CARS2: variants seen among roughly 807,000 people sequenced by gnomAD.
The protein encoded by CARS2 is cysteinyl-tRNA synthetase 2, mitochondrial, also known as probable cysteine--tRNA ligase, mitochondrial.
A neutral mutation model predicts 68.8 loss-of-function variants in CARS2; 52 were observed. The observed-to-expected ratio is 0.76, with a 90% CI of 0.61 to 0.95. The LOEUF (loss-of-function observed/expected upper bound fraction) is 0.95, where lower values mean the gene tolerates loss of function less well. Among genes scored for constraint, CARS2 ranks in the 40% least tolerant of loss-of-function variants. The pLI is 0.00. For missense variants in CARS2, 780 were observed against 754.2 expected (o/e 1.03, Z -0.40); for synonymous variants, 314 against 303.6 (o/e 1.03, Z -0.36).
chr13:110,668,934 G>T lies in CARS2; in HGVS notation c.786-1461C>A, dbSNP rs944923799. 6.6e-6 allele frequency among the ~76,000 whole-genome samples: 1 copy of T among 152,192 alleles called. No individual in the cohort carries two copies. The highest frequency in any genetic ancestry group is 2.4e-5 in the African/African-American group (1 of 41,438). On this transcript the variant is annotated intron_variant, in intron 7 of 14. Transcript: ENST00000257347. This position sits in a 1 kb window ranked among gnomAD's most constrained non-coding sequence, Gnocchi z 4.1. ...CTAAATGTTTTCTACCTGCTTTAGAGAAATTATTTGAATCTAAAAAATGAA... is the reference window on the plus strand; with the variant it reads ...CTAAATGTTTTCTACCTGCTTTAGATAAATTATTTGAATCTAAAAAATGAA...
chr13:110,679,039 C>CAGGGGAAAAGGGAACCAT (rs1451593595), intron 6 of CARS2, among the ~76,000 whole-genome samples: 16 of 14,898 alleles, frequency 1.1e-3, no homozygotes, highest in African/African-American at 4.2e-3. Context: ...GTCCTTACCA[C>CAGGGGAAAAGGGAACCAT]ACATGTGAAC....
At chr13:110,657,101 TTTTG>T (rs2062390988) in intron 9 of CARS2, among the ~76,000 whole-genome samples, 1 of 151,634 alleles carries the variant, frequency 6.6e-6, no homozygotes, top group African/African-American at 2.4e-5. Flanking sequence ...TTTAAATTTA[TTTTG>T]TGTGTATTTT....
chr13:110,642,685 C>T (rs765236726), intron 13 of CARS2, 164 bp from the exon 14 acceptor site: 27 of 784,898 alleles, frequency 3.4e-5, no homozygotes, highest in East Asian at 4.9e-5. Context: ...GGGTACAGCC[C>T]GCGAGCGCTG....
rs1022057210 is a variant in CARS2 at position 110,665,857 on chromosome 13, T to G, written c.919+1483A>C. On this transcript the variant is annotated intron_variant, in intron 8 of 14. Coordinates refer to ENST00000257347, the MANE Select transcript of CARS2 (RefSeq NM_024537.4). The surrounding 1 kb of genome is among the most constrained non-coding windows in gnomAD (Gnocchi z 4.3). The stretch of plus-strand genomic sequence containing the variant: ...ACTTCTGCATTTAATGTCACCTTAC[T>G]GTGACATCTTAATTTCCCAATTCAA... 4 of 985,266 alleles carry G rather than the reference T, an allele frequency of 4.1e-6. No individual in the cohort carries two copies. The highest frequency in any genetic ancestry group is 4.8e-6 in the Non-Finnish European group (4 of 829,890). 61.0% of individuals were successfully genotyped at this position (985,266 alleles called of 1,614,324 possible).
rs1286339193 is a variant in CARS2 at position 110,650,841 on chromosome 13, T to C, written c.1054+193A>G. On this transcript the variant is annotated intron_variant, in intron 10 of 14. Coordinates refer to ENST00000257347, the MANE Select transcript of CARS2 (RefSeq NM_024537.4). ...TTGACGAGGAAGCCCACATCCACTG[T>C]GGGCCGGGCCCAGACCAGCACTGGG... 1.7e-5 allele frequency: 9 copies of C among 532,074 alleles called. No individual in the cohort carries two copies. The East Asian group carries it at 2.7e-4, about 16-fold the overall frequency. 33.0% of individuals were successfully genotyped at this position (532,074 alleles called of 1,614,324 possible).
chr13:110,655,440 A>G (rs1386462010), intron 9 of CARS2, among the ~76,000 whole-genome samples: 2 of 152,240 alleles, frequency 1.3e-5, no homozygotes, highest in Non-Finnish European at 2.9e-5. Flanking sequence ...CTACACAGCC[A>G]TTCGAGAGAA....
intron 3 of CARS2, among the ~76,000 whole-genome samples, chr13:110,700,159 C>T (rs1338168434): frequency 6.6e-6 from 1 of 152,232 alleles, no homozygotes; most frequent in African/African-American, 2.4e-5. Flanking sequence ...TCCAATGAAC[C>T]TGAGTGGAGG....
At chr13:110,697,547 C>A (rs9588242) in intron 3 of CARS2, among the ~76,000 whole-genome samples, 20,767 of 152,222 alleles carry the variant, frequency 0.14, 2,161 homozygotes, top group African/African-American at 0.28. Context: ...GGTTCAAGTA[C>A]TTCTCGTGTC....
chr13:110,683,214 A>G, intron 5 of CARS2, 80 bp from the exon 6 acceptor site: 1 of 905,384 alleles, frequency 1.1e-6, no homozygotes, highest in Non-Finnish European at 1.6e-6. Flanking sequence ...TCTAACAAGT[A>G]ATTAGAATTT....
chr13:110,712,148 G>A (rs1269718386), intron 1 of CARS2: 1 of 152,292 alleles, frequency 6.6e-6, no homozygotes, highest in Non-Finnish European at 1.5e-5. Flanking sequence ...ATGGAGAACC[G>A]CGCTGGCGTG....
intron 3 of CARS2, among the ~76,000 whole-genome samples, chr13:110,698,476 C>A (rs1448521948): frequency 2.0e-5 from 3 of 151,216 alleles, no homozygotes; most frequent in Non-Finnish European, 4.4e-5. Context: ...GCGGAGATAG[C>A]ACCATTGCAC....
chr13:110,664,468 G>A (rs543357890), intron 8 of CARS2: 10 of 428,276 alleles, frequency 2.3e-5, no homozygotes, highest in African/African-American at 2.1e-4. Flanking sequence ...AGTGAGCTAT[G>A]TTCATGTCAC....
upstream of CARS2, among the ~76,000 whole-genome samples, chr13:110,708,613 C>A (rs544330494): frequency 6.4e-4 from 97 of 151,998 alleles, 1 homozygote; most frequent in African/African-American, 2.3e-3. Context: ...GTCACCCAGG[C>A]TGGAGTGCAG....
intron 10 of CARS2, among the ~76,000 whole-genome samples, chr13:110,649,931 CTTTTTTTT>C (rs59276783): frequency 4.1e-5 from 3 of 73,146 alleles, no homozygotes; most frequent in Non-Finnish European, 5.4e-5. Context: ...TGGATAACGA[CTTTTTTTT>C]TTTTTTTTTT....
At chr13:110,672,466 C>A (rs2062828727) in intron 7 of CARS2, among the ~76,000 whole-genome samples, 1 of 152,220 alleles carries the variant, frequency 6.6e-6, no homozygotes, top group Non-Finnish European at 1.5e-5. Context: ...TGAATGACTA[C>A]TGGGTACATA....
chr13:110,697,366 C>T (rs2063653327), intron 3 of CARS2, among the ~76,000 whole-genome samples: 1 of 152,252 alleles, frequency 6.6e-6, no homozygotes. Context: ...CTGCCAGTCT[C>T]TCAATGATCT....
chr13:110,666,955 A>C, intron 8 of CARS2: 2 of 985,458 alleles, frequency 2.0e-6, no homozygotes, highest in African/African-American at 3.5e-5. Context: ...AGGTGTTTGA[A>C]CAGTGGAAGA....
At chr13:110,671,773 T>C (rs1478735395) in intron 7 of CARS2, among the ~76,000 whole-genome samples, 3 of 152,088 alleles carry the variant, frequency 2.0e-5, no homozygotes, top group Non-Finnish European at 4.4e-5. Context: ...GACTGGCAAA[T>C]TGGATGAAGA....
chr13:110,692,746 T>A (rs1332562511), intron 3 of CARS2, among the ~76,000 whole-genome samples: 1 of 151,034 alleles, frequency 6.6e-6, no homozygotes, highest in Non-Finnish European at 1.5e-5. Flanking sequence ...GCCTGGGAGA[T>A]GGAGGCTGCA....
Sources: allele counts gnomAD v4.1 joint callset (sites outside exome capture counted in the v4.1 genomes callset), GRCh38; gene constraint gnomAD v4.1.1; non-coding constraint Gnocchi (gnomAD v3.1); transcripts MANE v1.5; gene names NCBI Gene and HGNC (gene_info 2026-07-23, HGNC 2026-07-21).